GOLM2: variants seen among roughly 807,000 people sequenced by gnomAD.
GOLM2 encodes golgi membrane protein 2.
A neutral mutation model predicts 55.9 loss-of-function variants in GOLM2; 26 were observed. The ratio of observed to expected loss-of-function variants is 0.47; its 90% CI spans 0.34 to 0.65. GOLM2 has a LOEUF of 0.65. Among genes scored for constraint, GOLM2 ranks in the 30% least tolerant of loss-of-function variants. GOLM2 has a pLI of 0.01. For missense variants in GOLM2, 486 were observed against 531.8 expected (o/e 0.91, Z 0.85); for synonymous variants, 165 against 194.6 (o/e 0.85, Z 1.27).
In GOLM2 at chr15:44,415,730, G is replaced by A. The variant is rs2079669560; in HGVS notation, c.*2324G>A. 6.6e-6 allele frequency: 1 copy of A among 152,094 alleles called. No individual in the cohort carries two copies. The highest frequency in any genetic ancestry group is 6.6e-5 in the Admixed American group (1 of 15,226). The allele number at this position is 152,094 out of a possible 1,614,324, so 9.4% of individuals were successfully genotyped here. A position where few individuals can be genotyped will look rare whatever the true frequency, so the allele number is the denominator to read the frequency against. ...CTGCTTTTAAAATCATCATTTACTG[G>A]GTTCTAATAAATTAAAAATTAAACT... On this transcript the variant is annotated 3_prime_UTR_variant, in exon 10 of 10. Coordinates refer to ENST00000299957, the MANE Select transcript of GOLM2 (RefSeq NM_138423.4).
At chr15:44,398,711 G>A (rs144366576) in intron 8 of GOLM2, among the ~76,000 whole-genome samples, 127 of 142,504 alleles carry the variant, frequency 8.9e-4, no homozygotes, top group African/African-American at 3.0e-3. Flanking sequence ...TGTTGCCCAG[G>A]CTGGAGTGCA....
chr15:44,302,305 C>G (rs935978330), intron 1 of GOLM2, among the ~76,000 whole-genome samples: 1 of 151,486 alleles, frequency 6.6e-6, no homozygotes, highest in African/African-American at 2.4e-5. Flanking sequence ...CCACCACACC[C>G]AGCTAATTTT....
intron 6 of GOLM2, among the ~76,000 whole-genome samples, chr15:44,366,961 A>G (rs1002459136): frequency 6.6e-6 from 1 of 152,216 alleles, no homozygotes; most frequent in African/African-American, 2.4e-5. Flanking sequence ...CAGAGGAAAA[A>G]ATTAAGCTAT....
chr15:44,395,095 C>G (rs1595665749), intron 8 of GOLM2, among the ~76,000 whole-genome samples: 1 of 151,960 alleles, frequency 6.6e-6, no homozygotes, highest in Middle Eastern at 3.4e-3. Context: ...CTGCAACCTC[C>G]ACCTCCCAGG....
At chr15:44,333,226 A>G (rs61278540) in intron 4 of GOLM2, among the ~76,000 whole-genome samples, 10,700 of 152,202 alleles carry the variant, frequency 0.07, 675 homozygotes, top group East Asian at 0.19. Flanking sequence ...GCCACCGCGC[A>G]CAGCCAATTC....
chr15:44,340,134 T>A (rs1217494045), intron 6 of GOLM2, among the ~76,000 whole-genome samples: 1 of 152,140 alleles, frequency 6.6e-6, no homozygotes, highest in African/African-American at 2.4e-5. Flanking sequence ...TTTTCTTTAT[T>A]TTTTTGTAGA....
chr15:44,410,428 C>G (rs1161944992), intron 9 of GOLM2, among the ~76,000 whole-genome samples: 3 of 152,114 alleles, frequency 2.0e-5, no homozygotes, highest in African/African-American at 7.2e-5. Context: ...GAGACTCCGT[C>G]TCAAAAATAT....
At chr15:44,330,203 C>A in intron 3 of GOLM2, among the ~76,000 whole-genome samples, 1 of 112,782 alleles carries the variant, frequency 8.9e-6, no homozygotes, top group Admixed American at 9.7e-5. Flanking sequence ...AAGAACTTGT[C>A]TCTTTAAAAA....
chr15:44,294,722 AAAAAAACACCACCACCAC>A (rs1266103487), intron 1 of GOLM2, among the ~76,000 whole-genome samples: 6 of 150,596 alleles, frequency 4.0e-5, no homozygotes, highest in African/African-American at 1.5e-4. Flanking sequence ...AAAAAAAAAA[AAAAAAACACCACCACCAC>A]AAAAAAAAAC....
chr15:44,344,150 C>G (rs1352757751), intron 6 of GOLM2, among the ~76,000 whole-genome samples: 1 of 151,526 alleles, frequency 6.6e-6, no homozygotes, highest in African/African-American at 2.4e-5. Flanking sequence ...GTCTCAGCTA[C>G]TCAGGAGGCT....
intron 6 of GOLM2, among the ~76,000 whole-genome samples, chr15:44,361,780 C>T (rs1456912988): frequency 3.3e-5 from 5 of 152,100 alleles, no homozygotes; most frequent in Non-Finnish European, 5.9e-5. Context: ...TGCTGAACAT[C>T]GATGCAAAAA....
At chr15:44,378,773 G>A (rs926948542) in intron 6 of GOLM2, among the ~76,000 whole-genome samples, 4 of 151,324 alleles carry the variant, frequency 2.6e-5, no homozygotes, top group Non-Finnish European at 4.4e-5. Flanking sequence ...TATTTGAGAT[G>A]AAGTCTCTGT....
At chr15:44,379,236 G>A (rs1207120781) in intron 6 of GOLM2, among the ~76,000 whole-genome samples, 1 of 152,144 alleles carries the variant, frequency 6.6e-6, no homozygotes, top group Non-Finnish European at 1.5e-5. Context: ...CAGCACTTTG[G>A]GAGGCTGAGG....
At chr15:44,371,110 C>T (rs757666680) in intron 6 of GOLM2, among the ~76,000 whole-genome samples, 1 of 152,208 alleles carries the variant, frequency 6.6e-6, no homozygotes, top group Non-Finnish European at 1.5e-5. Flanking sequence ...GTTTCATCCC[C>T]CACAGGTTCC....
intron 6 of GOLM2, among the ~76,000 whole-genome samples, chr15:44,378,977 C>T (rs2079383643): frequency 6.6e-6 from 1 of 152,160 alleles, no homozygotes; most frequent in Non-Finnish European, 1.5e-5. Context: ...GAACTCCTGA[C>T]CTTGTGATCT....
intron 1 of GOLM2, among the ~76,000 whole-genome samples, chr15:44,311,882 TCA>T: frequency 6.6e-6 from 1 of 152,180 alleles, no homozygotes; most frequent in African/African-American, 2.4e-5. Flanking sequence ...ACTCCTGACC[TCA>T]GGTGATCCAC....
intron 4 of GOLM2, among the ~76,000 whole-genome samples, chr15:44,337,219 G>A (rs533323867): frequency 2.0e-5 from 3 of 151,670 alleles, no homozygotes; most frequent in Non-Finnish European, 4.4e-5. Context: ...AAGATGCTAG[G>A]TTAGGAACAG....
In GOLM2 at chr15:44,414,710, C is replaced by T. The variant is rs1213859672; in HGVS notation, c.*1304C>T. On this transcript the variant is annotated 3_prime_UTR_variant, in exon 10 of 10. Transcript: ENST00000299957. ...ATTAATGCACAGATAAATAGAAGTACAGTGAGGTCTATAGCCATTTTATTA... is the reference window on the plus strand; with the variant it reads ...ATTAATGCACAGATAAATAGAAGTATAGTGAGGTCTATAGCCATTTTATTA... 6.6e-6 allele frequency: 1 copy of T among 152,356 alleles called. No individual in the cohort carries two copies. Among genetic ancestry groups the T allele is most frequent in the African/African-American group, 2.4e-5 (1 of 41,420 alleles). 9.4% of individuals were successfully genotyped at this position (152,356 alleles called of 1,614,324 possible).
intron 8 of GOLM2, among the ~76,000 whole-genome samples, chr15:44,396,183 C>T (rs569330934): frequency 3.0e-4 from 46 of 152,060 alleles, no homozygotes; most frequent in Admixed American, 8.5e-4. Context: ...GGCGAAACCC[C>T]GTCTCTACTA....
Sources: gnomAD v4.1 joint callset for allele counts (sites outside exome capture counted in the v4.1 genomes callset) on GRCh38, gnomAD v4.1.1 for gene constraint, MANE v1.5 for transcripts, NCBI Gene and HGNC (gene_info 2026-07-23, HGNC 2026-07-21) for gene names.